The following TRIP12 variants were observed in gnomAD, a reference collection of about 807,000 sequenced individuals.
TRIP12 encodes the protein E3 ubiquitin-protein ligase TRIP12.
In TRIP12, 25 loss-of-function variants were observed where a neutral mutation model predicts 244.2. The ratio of observed to expected loss-of-function variants is 0.10; its 90% CI spans 0.07 to 0.14. The LOEUF (loss-of-function observed/expected upper bound fraction) is 0.14, where lower values mean the gene tolerates loss of function less well. TRIP12 is among the 10% of genes least tolerant of loss of function. The probability of loss-of-function intolerance (pLI) is 1.00; values close to 1 mark genes in which losing one functional copy is unlikely to be tolerated. For missense variants in TRIP12, 1,677 were observed against 2,486.4 expected, an observed-to-expected ratio of 0.67 and a Z score of 6.92; for synonymous variants, 905 against 873.1, an observed-to-expected ratio of 1.04 and a Z score of -0.64.
At chr2:229,849,543 G>A (rs2058241944) in intron 4 of TRIP12, among the ~76,000 whole-genome samples, 1 of 152,070 alleles carries the variant, frequency 6.6e-6, no homozygotes, top group Non-Finnish European at 1.5e-5. Context: ...AAAGGGCAAA[G>A]TGGCAGAAAG....
chr2:229,822,400 C>T (rs1252097966), intron 8 of TRIP12, among the ~76,000 whole-genome samples: 1 of 152,168 alleles, frequency 6.6e-6, no homozygotes, highest in Non-Finnish European at 1.5e-5. Context: ...TCTGAGGAGA[C>T]ATAGATTTGC....
chr2:229,824,271 A>G (rs1270218220), intron 8 of TRIP12, among the ~76,000 whole-genome samples: 2 of 152,232 alleles, frequency 1.3e-5, no homozygotes, highest in South Asian at 2.1e-4. Context: ...AAAAAAGTTA[A>G]TATTAGAGAA....
chr2:229,838,660 T>C (rs2055498577), intron 5 of TRIP12, among the ~76,000 whole-genome samples: 1 of 152,148 alleles, frequency 6.6e-6, no homozygotes, highest in South Asian at 2.1e-4. Flanking sequence ...CCAGTTTGCA[T>C]CTCAGACTAA....
At chr2:229,899,445 G>GA (rs1463304766) in intron 1 of TRIP12, among the ~76,000 whole-genome samples, 13 of 152,230 alleles carry the variant, frequency 8.5e-5, no homozygotes, top group Non-Finnish European at 2.9e-5. Context: ...TATCAGCTGT[G>GA]AAAGACATGA....
chr2:229,900,072 T>G (rs17324625), intron 1 of TRIP12, among the ~76,000 whole-genome samples: 46,695 of 152,110 alleles, frequency 0.31, 7,397 homozygotes, highest in Middle Eastern at 0.46. Context: ...TTGCACAAAA[T>G]AACTTCAAAG....
chr2:229,878,081 A>C (rs955134559), intron 2 of TRIP12, among the ~76,000 whole-genome samples: 3 of 152,218 alleles, frequency 2.0e-5, no homozygotes, highest in African/African-American at 7.2e-5. Context: ...TAGCTATCCC[A>C]TTCTGTGGAC....
rs527354452 is a variant in TRIP12, at chr2:229,764,301, C to G, written c.*3253G>C. 6.6e-6 allele frequency: 1 copy of G among 152,210 alleles called. No individual in the cohort carries two copies. The highest frequency in any genetic ancestry group is 2.1e-4 in the South Asian group (1 of 4,822). The allele number at this position is 152,210 out of a possible 1,614,324, so 9.4% of individuals were successfully genotyped here. A position where few individuals can be genotyped will look rare whatever the true frequency, so the allele number is the denominator to read the frequency against. On this transcript the variant is annotated 3_prime_UTR_variant, in exon 42 of 42. Transcript: ENST00000675903. The stretch of plus-strand genomic sequence containing the variant: ...TGCAATGTCAAACCTAAGACTTATA[C>G]AAAAGCATTTCTCAGAGAATCATAA...
rs770849378 is a variant in TRIP12, at chr2:229,777,296, C to T, written c.5529+19G>A. The stretch of plus-strand genomic sequence containing the variant: ...TAAAATAAAGACTTGATCTACTGGA[C>T]TGTTTCTTCTAAGCCTACCTGGGAT... On this transcript the variant is annotated intron_variant, in intron 37 of 41. Transcript: ENST00000675903. 1.2e-6 allele frequency: 2 copies of T among 1,608,450 alleles called. No homozygotes were observed. Among genetic ancestry groups the T allele is most frequent in the African/African-American group, 1.3e-5 (1 of 74,920 alleles).
intron 1 of TRIP12, among the ~76,000 whole-genome samples, chr2:229,919,487 G>A (rs1228316053): frequency 6.6e-6 from 1 of 151,598 alleles, no homozygotes; most frequent in Admixed American, 6.6e-5. Flanking sequence ...TACTTTGCCA[G>A]GTGAAAGTAC....
rs574861495 is a variant in TRIP12 at position 229,766,292 on chromosome 2, G to A, written c.*1262C>T. On this transcript the variant is annotated 3_prime_UTR_variant, in exon 42 of 42. Coordinates refer to ENST00000675903, the MANE Select transcript of TRIP12 (RefSeq NM_001348323.3). ...TGAATAGCAAAATCAGCCATGACCC[G>A]AATCATGGAGATATGTGGATTTCCT... 9 of 152,066 alleles carry A rather than the reference G, an allele frequency of 5.9e-5. No homozygotes were observed. Among genetic ancestry groups the A allele is most frequent in the East Asian group, 1.9e-4 (1 of 5,184 alleles). The allele number at this position is 152,066 out of a possible 1,614,324, so 9.4% of individuals were successfully genotyped here.
intron 6 of TRIP12, among the ~76,000 whole-genome samples, chr2:229,835,043 T>C (rs551349193): frequency 6.6e-6 from 1 of 152,342 alleles, no homozygotes; most frequent in East Asian, 1.9e-4. Flanking sequence ...TACATTCCCA[T>C]TTTACACATG....
intron 1 of TRIP12, among the ~76,000 whole-genome samples, chr2:229,905,535 G>A (rs1183317094): frequency 6.6e-6 from 1 of 152,014 alleles, no homozygotes; most frequent in Non-Finnish European, 1.5e-5. Flanking sequence ...AGACACAAAA[G>A]GTTTAAACCA....
chr2:229,788,735 A>C lies in TRIP12; in HGVS notation c.4838+63T>G, dbSNP rs531957714. On this transcript the variant is annotated intron_variant, in intron 32 of 41. Coordinates refer to ENST00000675903, the MANE Select transcript of TRIP12 (RefSeq NM_001348323.3). ...CAGTAAAGACAATGTTTCTGTAACAAAATACATCAAGACCAACCCAGTAAC... is the reference window on the plus strand; with the variant it reads ...CAGTAAAGACAATGTTTCTGTAACACAATACATCAAGACCAACCCAGTAAC... The C allele has an allele frequency of 7.0e-6, 11 of 1,567,854 alleles. No individual in the cohort carries two copies. In the East Asian group the frequency reaches 1.8e-4, roughly 26 times the overall value.
intron 21 of TRIP12, among the ~76,000 whole-genome samples, chr2:229,800,570 A>G (rs947686913): frequency 6.6e-6 from 1 of 152,226 alleles, no homozygotes; most frequent in Non-Finnish European, 1.5e-5. Flanking sequence ...AGGATGAAAA[A>G]TGTAATTAAA....
chr2:229,914,713 G>A (rs2075045499), intron 1 of TRIP12, among the ~76,000 whole-genome samples: 1 of 152,174 alleles, frequency 6.6e-6, no homozygotes, highest in African/African-American at 2.4e-5. Flanking sequence ...TTTGAAGTCA[G>A]GGTAGAACTC....
At chr2:229,768,017 A>G (rs998428719) in intron 41 of TRIP12, among the ~76,000 whole-genome samples, 19 of 152,030 alleles carry the variant, frequency 1.2e-4, no homozygotes, top group African/African-American at 4.6e-4. Context: ...TAATCCCAGC[A>G]CTCTGGGAGG....
At chr2:229,830,605 T>C in intron 7 of TRIP12, 151 bp downstream of exon 7, 1 of 536,884 alleles carries the variant, frequency 1.9e-6, no homozygotes, top group Non-Finnish European at 3.2e-6. Context: ...TTCCAAATCA[T>C]GAAATTGCTA....
intron 27 of TRIP12, among the ~76,000 whole-genome samples, chr2:229,792,546 T>C (rs867429847): frequency 2.4e-4 from 37 of 152,314 alleles, no homozygotes; most frequent in Admixed American, 9.8e-4. Flanking sequence ...GTATGTACAT[T>C]GAACCATCAG....
At chr2:229,896,189 T>C (rs779582978) in intron 1 of TRIP12, among the ~76,000 whole-genome samples, 1 of 152,090 alleles carries the variant, frequency 6.6e-6, no homozygotes, top group Non-Finnish European at 1.5e-5. Context: ...TTCAAAAAAA[T>C]TTATTCAAAT....
Sources: allele counts gnomAD v4.1 joint callset (sites outside exome capture counted in the v4.1 genomes callset), GRCh38; gene constraint gnomAD v4.1.1; transcripts MANE v1.5; gene names NCBI Gene and HGNC (gene_info 2026-07-23, HGNC 2026-07-21).